MAMDC2: variants seen among roughly 807,000 people sequenced by gnomAD.
MAMDC2 encodes MAM domain containing 2, also known as MAM domain-containing protein 2.
MAMDC2 carries 57 observed loss-of-function variants against 89.8 expected under a neutral mutation model. The ratio of observed to expected loss-of-function variants is 0.63; its 90% CI spans 0.51 to 0.79. The LOEUF is 0.79. MAMDC2 is among the 30% of genes least tolerant of loss of function. The pLI is 0.00. For missense variants in MAMDC2, 800 were observed against 820.6 expected (o/e 0.97, Z 0.31); for synonymous variants, 313 against 293.4 (o/e 1.07, Z -0.68).
chr9:70,044,083 CCCT>C lies in MAMDC2; in HGVS notation c.-111_-109del. 7.8e-7 allele frequency: 1 copy of C among 1,274,180 alleles called. No homozygotes were observed. 78.9% of individuals were successfully genotyped at this position (1,274,180 alleles called of 1,614,324 possible). ...GCGCAAGCTTTGCCTCTCGACTTCT[CCCT>C]CCTTGGGTCCCCGGCGCCCCCGCCT... On this transcript the variant is annotated 5_prime_UTR_variant, in exon 1 of 14. Coordinates refer to ENST00000377182, the MANE Select transcript of MAMDC2 (RefSeq NM_153267.5).
chr9:70,100,021 A>AGAGAGAGAGAGAGAGAGAGAGAGC (rs1316783544), intron 2 of MAMDC2, among the ~76,000 whole-genome samples: 1 of 144,410 alleles, frequency 6.9e-6, no homozygotes, highest in Non-Finnish European at 1.5e-5. Flanking sequence ...AGAGAGAGAG[A>AGAGAGAGAGAGAGAGAGAGAGAGC]GAGCACAAGC....
chr9:70,221,514 G>A (rs1370542018), intron 12 of MAMDC2, among the ~76,000 whole-genome samples: 3 of 150,350 alleles, frequency 2.0e-5, no homozygotes, highest in African/African-American at 7.3e-5. Flanking sequence ...AGGGAATGGG[G>A]AGTTGTTGGT....
intron 2 of MAMDC2, among the ~76,000 whole-genome samples, chr9:70,091,913 A>G (rs1310142777): frequency 6.6e-6 from 1 of 152,228 alleles, no homozygotes; most frequent in Non-Finnish European, 1.5e-5. Context: ...GCACATAGTC[A>G]TACATTTATC....
rs2296773 is a variant in MAMDC2 at position 70,126,382 on chromosome 9, G to A, written c.867G>A (p.Ala289=). 0.082 allele frequency: 133,097 copies of A among 1,613,616 alleles called. 7,132 individuals are homozygous for A. The highest frequency in any genetic ancestry group is 0.25 in the East Asian group (11,124 of 44,826). Residue 289 remains alanine, a synonymous_variant, in exon 6 of 14, where the codon GCG becomes GCA. Coordinates refer to ENST00000377182, the MANE Select transcript of MAMDC2 (RefSeq NM_153267.5). ...DRPGNAAWNL[A]EVEFSAPYPM... ...CAGGGAATGCTGCCTGGAACCTTGC[G>A]GAGGTCGAGTTCAGTGCTCCTTACC...
chr9:70,044,802 C>A, intron 2 of MAMDC2, 105 bp downstream of exon 2: 1 of 879,644 alleles, frequency 1.1e-6, no homozygotes, highest in Non-Finnish European at 1.8e-6. Context: ...TTCTCCGCGG[C>A]AAGAAAAGTG....
intron 2 of MAMDC2, 145 bp downstream of exon 2, chr9:70,044,842 G>T: frequency 2.7e-6 from 2 of 732,590 alleles, no homozygotes; most frequent in Non-Finnish European, 4.6e-6. Flanking sequence ...CAAGCCCTCA[G>T]CTGTGCTGCA....
At chr9:70,126,826 G>GT (rs751533996) in intron 6 of MAMDC2, among the ~76,000 whole-genome samples, 2,200 of 124,458 alleles carry the variant, frequency 0.018, 22 homozygotes, top group African/African-American at 0.032. Flanking sequence ...TGAGTGAACT[G>GT]TTTTTTTTTT....
At chr9:70,094,784 A>T (rs1189938966) in intron 2 of MAMDC2, among the ~76,000 whole-genome samples, 1 of 152,220 alleles carries the variant, frequency 6.6e-6, no homozygotes, top group African/African-American at 2.4e-5. Context: ...AGGAATGTGG[A>T]CAAGTAGTCA....
chr9:70,073,571 A>T (rs945573632), intron 2 of MAMDC2, among the ~76,000 whole-genome samples: 1 of 152,242 alleles, frequency 6.6e-6, no homozygotes, highest in African/African-American at 2.4e-5. Context: ...GACATTGAAA[A>T]GACTAGTTGG....
chr9:70,089,293 T>C (rs1037076891), intron 2 of MAMDC2: 2 of 152,206 alleles, frequency 1.3e-5, no homozygotes, highest in African/African-American at 4.8e-5. Context: ...TCTGATGCTC[T>C]TCACAGTCTA....
At chr9:70,068,212 C>T (rs984947861) in intron 2 of MAMDC2, among the ~76,000 whole-genome samples, 1 of 152,086 alleles carries the variant, frequency 6.6e-6, no homozygotes, top group Non-Finnish European at 1.5e-5. Context: ...AGGCAAAGGG[C>T]TATTTTATGA....
At chr9:70,184,785 C>T (rs984445340) in intron 11 of MAMDC2, among the ~76,000 whole-genome samples, 2 of 151,958 alleles carry the variant, frequency 1.3e-5, no homozygotes, top group African/African-American at 4.8e-5. Context: ...TTCCTGTAAC[C>T]TTTTATCAAG....
chr9:70,119,536 C>A (rs1432601192), intron 5 of MAMDC2, among the ~76,000 whole-genome samples: 1 of 152,190 alleles, frequency 6.6e-6, no homozygotes, highest in Non-Finnish European at 1.5e-5. Context: ...GCAAGGTCTG[C>A]TGGATTTCCT....
intron 2 of MAMDC2, chr9:70,089,094 C>T (rs1405014665): frequency 6.6e-6 from 1 of 152,156 alleles, no homozygotes; most frequent in Admixed American, 6.6e-5. Context: ...AAATCATGCA[C>T]TGATTGGCTG....
chr9:70,186,127 G>C (rs1014575536), intron 11 of MAMDC2, among the ~76,000 whole-genome samples: 2 of 150,908 alleles, frequency 1.3e-5, no homozygotes, highest in African/African-American at 4.8e-5. Context: ...AACTAGCCTA[G>C]TATTTGCTTT....
At chr9:70,205,984 GA>G (rs5898125) in intron 11 of MAMDC2, among the ~76,000 whole-genome samples, 130,336 of 152,136 alleles carry the variant, frequency 0.86, 56,068 homozygotes, top group East Asian at 0.96. Flanking sequence ...AAGTCAAGAA[GA>G]AAAAAATACT....
intron 9 of MAMDC2, among the ~76,000 whole-genome samples, chr9:70,156,149 C>G (rs2031758261): frequency 6.6e-6 from 1 of 152,096 alleles, no homozygotes; most frequent in Admixed American, 6.5e-5. Flanking sequence ...TGGTAATTTT[C>G]TCTACTCCTT....
At chr9:70,222,027 G>A (rs1228156766) in intron 12 of MAMDC2, among the ~76,000 whole-genome samples, 2 of 152,156 alleles carry the variant, frequency 1.3e-5, no homozygotes, top group African/African-American at 2.4e-5. Context: ...AGGAGACTTT[G>A]GGGGCTGCTG....
chr9:70,079,510 G>A (rs999635245), intron 2 of MAMDC2, among the ~76,000 whole-genome samples: 2 of 152,140 alleles, frequency 1.3e-5, no homozygotes. Flanking sequence ...GAGCACACAT[G>A]GTCCTTAAGC....
Sources: gnomAD v4.1 joint callset for allele counts (sites outside exome capture counted in the v4.1 genomes callset) on GRCh38, gnomAD v4.1.1 for gene constraint, MANE v1.5 for transcripts, NCBI Gene and HGNC (gene_info 2026-07-23, HGNC 2026-07-21) for gene names.